SLC51A: variants seen among roughly 807,000 people sequenced by gnomAD.
The protein encoded by SLC51A is organic solute transporter subunit alpha.
SLC51A carries 22 observed loss-of-function variants against 34.8 expected under a neutral mutation model. That is an observed-to-expected ratio of 0.63 (90% CI 0.45 to 0.90). SLC51A has a LOEUF of 0.90. Ranked by LOEUF, SLC51A falls within the 40% of genes least tolerant of loss-of-function variation. The pLI is 0.00. For missense variants in SLC51A, 371 were observed against 414.8 expected, an observed-to-expected ratio of 0.89 and a Z score of 0.92; for synonymous variants, 181 against 176.3, an observed-to-expected ratio of 1.03 and a Z score of -0.21.
chr3:196,221,601 C>T (rs1723757494), intron 2 of SLC51A, among the ~76,000 whole-genome samples: 1 of 151,870 alleles, frequency 6.6e-6, no homozygotes, highest in Non-Finnish European at 1.5e-5. Context: ...TACTACACGC[C>T]AGGTGCTTTG....
intron 7 of SLC51A, among the ~76,000 whole-genome samples, chr3:196,230,646 G>A (rs563856186): frequency 2.6e-4 from 39 of 151,960 alleles, no homozygotes; most frequent in African/African-American, 9.2e-4. Flanking sequence ...CACCACGCCC[G>A]GCTAATTTTG....
chr3:196,224,948 A>G (rs1723860334), intron 2 of SLC51A, among the ~76,000 whole-genome samples: 1 of 151,962 alleles, frequency 6.6e-6, no homozygotes, highest in East Asian at 1.9e-4. Flanking sequence ...TAAGTAGAAA[A>G]GAAGACACAA....
chr3:196,217,394 G>A (rs971323703), intron 1 of SLC51A, among the ~76,000 whole-genome samples: 1 of 152,038 alleles, frequency 6.6e-6, no homozygotes, highest in East Asian at 1.9e-4. Context: ...AAAATTAGCC[G>A]GGCCTGGTGG....
chr3:196,225,593 C>T (rs930894658), intron 2 of SLC51A: 3 of 152,192 alleles, frequency 2.0e-5, no homozygotes, highest in Non-Finnish European at 4.4e-5. Flanking sequence ...GGTCCAATAA[C>T]TAGAAAAGAC....
chr3:196,221,391 C>T (rs1723752615), intron 2 of SLC51A, among the ~76,000 whole-genome samples: 1 of 151,916 alleles, frequency 6.6e-6, no homozygotes, highest in Non-Finnish European at 1.5e-5. Flanking sequence ...CTCATCCTCT[C>T]GAGTAGCTGG....
chr3:196,229,740 G>A (rs1560155105), intron 6 of SLC51A, 175 bp from the exon 7 acceptor site: 1 of 572,934 alleles, frequency 1.7e-6, no homozygotes, highest in Admixed American at 4.0e-5. Flanking sequence ...TGTAGTCCCA[G>A]CTACTCAGAA....
chr3:196,233,115 A>C lies in SLC51A; in HGVS notation c.939A>C (p.Thr313=). 1 of 1,614,194 alleles carries C rather than the reference A, an allele frequency of 6.2e-7. No individual in the cohort carries two copies. Among genetic ancestry groups the C allele is most frequent in the Non-Finnish European group, 8.5e-7 (1 of 1,180,008 alleles). Residue 313 remains threonine (T), a synonymous_variant, in exon 9 of 9, where the codon ACA becomes ACC. Transcript: ENST00000296327. The stretch of plus-strand genomic sequence containing the variant: ...AGACTTTTCTAATGACTGTGCTGAC[A>C]CGAATGTACTACCGAAGGAAAGACC... ...ILETFLMTVL[T]RMYYRRKDHK...
At position 196,232,492 on chromosome 3, in the gene SLC51A, C is replaced by T. The variant is rs762497939; in HGVS notation, c.854C>T (p.Ser285Leu). ...VLANGGQIAC[S>L]PPYSSKTRSQ... Reference sequence around the variant, plus strand: ...GCCAACGGTGGGCAGATTGCTTGTTCGCCTCCCTATTCCTCTAAAACCAGG... The same window carrying T: ...GCCAACGGTGGGCAGATTGCTTGTTTGCCTCCCTATTCCTCTAAAACCAGG... The change falls in exon 8 of 9, where the codon TCG (serine) becomes TTG (leucine). Residue 285 changes from serine (S) to leucine (L), a missense_variant. Physicochemically the swap from Ser to Leu is moderately radical, Grantham distance 145. Coordinates refer to ENST00000296327, the MANE Select transcript of SLC51A (RefSeq NM_152672.6). 16 of 1,613,964 alleles carry T rather than the reference C, an allele frequency of 9.9e-6. No individual in the cohort carries two copies. The highest frequency in any genetic ancestry group is 1.3e-5 in the Non-Finnish European group (15 of 1,179,964).
At chr3:196,223,266 C>A (rs555278367) in intron 2 of SLC51A, among the ~76,000 whole-genome samples, 3 of 151,872 alleles carry the variant, frequency 2.0e-5, no homozygotes, top group Admixed American at 6.6e-5. Flanking sequence ...TAGGTTATTT[C>A]TTTCATTCAA....
chr3:196,232,624 T>C (rs1474832353), intron 8 of SLC51A, 100 bp downstream of exon 8: 3 of 859,182 alleles, frequency 3.5e-6, no homozygotes, highest in Non-Finnish European at 5.9e-6. Flanking sequence ...GCCTGACTTC[T>C]GCTCAGAGTG....
chr3:196,229,703 A>AAAAAAAAAAAAAT, intron 6 of SLC51A: 1 of 430,912 alleles, frequency 2.3e-6, no homozygotes, highest in Non-Finnish European at 4.0e-6. Context: ...AAAAAAAAAA[A>AAAAAAAAAAAAAT]GTTAGCTGGG....
intron 2 of SLC51A, among the ~76,000 whole-genome samples, chr3:196,222,123 G>T (rs1006164515): frequency 9.2e-5 from 14 of 152,198 alleles, no homozygotes; most frequent in African/African-American, 3.4e-4. Flanking sequence ...TGGTTAGAAA[G>T]CTGGGATTAT....
At chr3:196,222,004 C>A (rs552992736) in intron 2 of SLC51A, among the ~76,000 whole-genome samples, 5 of 152,100 alleles carry the variant, frequency 3.3e-5, no homozygotes, top group Admixed American at 6.5e-5. Context: ...AGGCGTGAGC[C>A]CCCCCGCCCG....
intron 2 of SLC51A, among the ~76,000 whole-genome samples, chr3:196,224,722 AGGAG>A (rs1723853438): frequency 1.1e-4 from 4 of 34,980 alleles, no homozygotes; most frequent in East Asian, 0.014. Flanking sequence ...ATGGGAGGGG[AGGAG>A]AGGGGAGGAG....
Position 196,228,325 on chromosome 3 carries a change from C to G in SLC51A, c.521+52C>G. On this transcript the variant is annotated intron_variant, in intron 5 of 8. Coordinates refer to ENST00000296327, the MANE Select transcript of SLC51A (RefSeq NM_152672.6). This position sits in a 1 kb window ranked among gnomAD's most constrained non-coding sequence, Gnocchi z 4.9. ...CAGGAGCCGGGGAGCCTCTCCTGGA[C>G]CCCTGGTCCCCTTCAAGGCTCTGGG... 6.4e-7 allele frequency: 1 copy of G among 1,564,348 alleles called. No homozygotes were observed. The highest frequency in any genetic ancestry group is 1.4e-5 in the African/African-American group (1 of 73,882).
chr3:196,221,273 G>A lies in SLC51A; in HGVS notation c.133+3337G>A, dbSNP rs991875043. The stretch of plus-strand genomic sequence containing the variant: ...TCTCAATTTAAAAAAAAGAGAGAGA[G>A]AAAAAAAAGCTATTATTCTAGAAGA... On this transcript the variant is annotated intron_variant, in intron 2 of 8. Transcript: ENST00000296327. Among the ~76,000 whole-genome samples, 24 of 150,758 alleles carry A rather than the reference G, an allele frequency of 1.6e-4. 1 individual carries two copies. The highest frequency in any genetic ancestry group is 5.9e-4 in the Admixed American group (9 of 15,158).
At chr3:196,223,855 GC>G in intron 2 of SLC51A, 1 of 368,410 alleles carries the variant, frequency 2.7e-6, no homozygotes, top group Non-Finnish European at 5.1e-6. Flanking sequence ...TTTTTTTAAT[GC>G]CTTTTTTTTT....
Position 196,216,730 on chromosome 3 carries a change from C to G in SLC51A, c.18C>G (p.Thr6=). The G allele has an allele frequency of 1.9e-6, 3 of 1,577,518 alleles. No individual in the cohort carries two copies. Among genetic ancestry groups the G allele is most frequent in the Non-Finnish European group, 2.6e-6 (3 of 1,161,336 alleles). Residue 6 remains threonine, a synonymous_variant, in exon 1 of 9, where the codon ACC becomes ACG. Coordinates refer to ENST00000296327, the MANE Select transcript of SLC51A (RefSeq NM_152672.6). This position sits in a 1 kb window ranked among gnomAD's most constrained non-coding sequence, Gnocchi z 4.5. The part of the protein sequence containing the change: MEPGR[T]QIKLDPRYTA... ...ACGCGGCGATGGAGCCGGGCAGGAC[C>G]CAGATAAAGCTTGACCCCAGGTAAG... is the stretch of plus-strand genomic sequence containing the variant.
intron 2 of SLC51A, among the ~76,000 whole-genome samples, chr3:196,220,703 G>C (rs1216297012): frequency 2.6e-5 from 4 of 152,086 alleles, no homozygotes; most frequent in African/African-American, 7.2e-5. Flanking sequence ...GAAGAGGAAG[G>C]GTTGGGAAAC....
Sources: allele counts gnomAD v4.1 joint callset (sites outside exome capture counted in the v4.1 genomes callset), GRCh38; gene constraint gnomAD v4.1.1; non-coding constraint Gnocchi (gnomAD v3.1); transcripts MANE v1.5; gene names NCBI Gene and HGNC (gene_info 2026-07-23, HGNC 2026-07-21).